The following SLC38A7 variants were observed in gnomAD, a reference collection of about 807,000 sequenced individuals.
SLC38A7 encodes solute carrier family 38 member 7.
Under a neutral mutation model 50.1 loss-of-function variants are expected in SLC38A7, and 29 were observed. The ratio of observed to expected loss-of-function variants is 0.58; its 90% CI spans 0.43 to 0.79. The LOEUF is 0.79. SLC38A7 is among the 30% of genes least tolerant of loss of function. SLC38A7 has a pLI of 0.00. For synonymous variants in SLC38A7, 244 were observed against 245.9 expected (o/e 0.99, Z 0.07); for missense variants, 483 against 610.6 (o/e 0.79, Z 2.20).
chr16:58,674,290 T>G (rs2152077491), intron 8 of SLC38A7, among the ~76,000 whole-genome samples: 1 of 152,232 alleles, frequency 6.6e-6, no homozygotes, highest in South Asian at 2.1e-4. Flanking sequence ...TTTCTCTCTT[T>G]TTTAGAGACA....
intron 11 of SLC38A7, among the ~76,000 whole-genome samples, chr16:58,668,713 C>CAAAAAAAAAAAAAAAAAAAAAAA (rs71155292): frequency 1.5e-4 from 5 of 33,826 alleles, no homozygotes; most frequent in Middle Eastern, 0.017. Context: ...AACTCCATCT[C>CAAAAAAAAAAAAAAAAAAAAAAA]AAAAAAAAAA....
At chr16:58,675,249 G>A (rs183162966) in intron 8 of SLC38A7, 48 of 379,268 alleles carry the variant, frequency 1.3e-4, no homozygotes, top group Non-Finnish European at 1.2e-4. Context: ...GCTCATGCCT[G>A]TAACCCCAGC....
chr16:58,682,592 TG>T (rs896384013), intron 2 of SLC38A7, among the ~76,000 whole-genome samples: 1 of 151,948 alleles, frequency 6.6e-6, no homozygotes, highest in Non-Finnish European at 1.5e-5. Flanking sequence ...CCCGAGTACC[TG>T]GGACTACAGG....
chr16:58,680,192 C>G lies in SLC38A7; in HGVS notation c.-66G>C. 1.4e-6 allele frequency: 2 copies of G among 1,474,486 alleles called. No individual in the cohort carries two copies. The highest frequency in any genetic ancestry group is 4.7e-5 in the East Asian group (2 of 42,358). The allele number at this position is 1,474,486 out of a possible 1,614,324, so 91.3% of individuals were successfully genotyped here. A position where few individuals can be genotyped will look rare whatever the true frequency, so the allele number is the denominator to read the frequency against. On this transcript the variant is annotated 5_prime_UTR_variant, in exon 3 of 12. Transcript: ENST00000219320. ...CCTTACAACCACATGCCTCAGGGAG[C>G]TGAGCAACACCCACCTGTTTGGGGC... is the stretch of plus-strand genomic sequence containing the variant.
At chr16:58,676,176 C>T (rs531611256) in intron 7 of SLC38A7, 113 bp downstream of exon 7, 1 of 1,561,454 alleles carries the variant, frequency 6.4e-7, no homozygotes, top group African/African-American at 1.4e-5. Flanking sequence ...CCTGTTCCAT[C>T]CTTCCCCCCA....
At chr16:58,669,929 C>G (rs555461113) in intron 11 of SLC38A7, among the ~76,000 whole-genome samples, 184 bp downstream of exon 11, 1 of 151,164 alleles carries the variant, frequency 6.6e-6, no homozygotes, top group East Asian at 1.9e-4. Flanking sequence ...GAGCTGAGAT[C>G]GTGCCACTGC....
intron 11 of SLC38A7, among the ~76,000 whole-genome samples, chr16:58,669,251 G>A (rs892272797): frequency 6.6e-6 from 1 of 151,142 alleles, no homozygotes; most frequent in Non-Finnish European, 1.5e-5. Flanking sequence ...AAGTAGCTGG[G>A]ATTACAGGCA....
rs2044017579 is a variant in SLC38A7 at position 58,665,458 on chromosome 16, AG to A, written c.*1926del. On this transcript the variant is annotated 3_prime_UTR_variant, in exon 12 of 12. Coordinates refer to ENST00000219320, the MANE Select transcript of SLC38A7 (RefSeq NM_018231.3). ...TCTGGCCCCGGGGGCAGAGAAGATC[AG>A]GCACCAAGAGGGGATGTGAGAAAAG... 6.6e-6 allele frequency: 1 copy of A among 150,960 alleles called. No individual in the cohort carries two copies. The highest frequency in any genetic ancestry group is 2.5e-5 in the African/African-American group (1 of 40,022). The allele number at this position is 150,960 out of a possible 1,614,324, so 9.4% of individuals were successfully genotyped here.
intron 6 of SLC38A7, 144 bp from the exon 7 acceptor site, chr16:58,676,490 G>A: frequency 1.2e-6 from 1 of 837,208 alleles, no homozygotes; most frequent in Non-Finnish European, 1.9e-6. Context: ...TGGGAACAGG[G>A]AGAAGAGGCA....
intron 10 of SLC38A7, 51 bp downstream of exon 10, chr16:58,670,994 C>A (rs774733184): frequency 1.3e-6 from 2 of 1,548,586 alleles, no homozygotes; most frequent in South Asian, 2.4e-5. Context: ...CTAGGCAGGC[C>A]CTGGGAGTCT....
chr16:58,679,833 T>A, intron 3 of SLC38A7, 24 bp downstream of exon 3: 2 of 1,612,452 alleles, frequency 1.2e-6, no homozygotes, highest in Non-Finnish European at 1.7e-6. Flanking sequence ...ACTGCACCTC[T>A]GCCCTCCCGG....
In SLC38A7 at chr16:58,680,245, G is replaced by A. The variant is rs928019896; in HGVS notation, c.-115-4C>T. The A allele has an allele frequency of 1.9e-5, 22 of 1,183,484 alleles. No homozygotes were observed. In the Middle Eastern group the frequency reaches 9.8e-4, roughly 53 times the overall value. The allele number at this position is 1,183,484 out of a possible 1,614,324, so 73.3% of individuals were successfully genotyped here. On this transcript the variant is annotated splice_region_variant and splice_polypyrimidine_tract_variant and intron_variant, in intron 2 of 11. Transcript: ENST00000219320. ...TTAGCTTAGGACTCTTCTCAACCTA[G>A]ATGGGACAAAGGCAGGCACTACTGT... is the stretch of plus-strand genomic sequence containing the variant.
intron 3 of SLC38A7, 192 bp downstream of exon 3, chr16:58,679,665 G>T: frequency 1.6e-6 from 1 of 640,290 alleles, no homozygotes; most frequent in Non-Finnish European, 2.6e-6. Flanking sequence ...TTCTCTGATT[G>T]TTGGAAGGCT....
chr16:58,678,049 G>C lies in SLC38A7; in HGVS notation c.611+284C>G, dbSNP rs1391260138. On this transcript the variant is annotated intron_variant, in intron 5 of 11. Coordinates refer to ENST00000219320, the MANE Select transcript of SLC38A7 (RefSeq NM_018231.3). This position sits in a 1 kb window ranked among gnomAD's most constrained non-coding sequence, Gnocchi z 4.0. ...GCCAGGAGGCTGCCTTCACCGCCCA[G>C]ATACCACCTGTTCCTTCTTTGACAA... Among the ~76,000 whole-genome samples the C allele has an allele frequency of 6.6e-6, 1 of 152,146 alleles. No individual in the cohort carries two copies. Among genetic ancestry groups the C allele is most frequent in the Non-Finnish European group, 1.5e-5 (1 of 68,026 alleles).
At chr16:58,670,092 A>C in intron 11 of SLC38A7, 21 bp downstream of exon 11, 1 of 1,613,484 alleles carries the variant, frequency 6.2e-7, no homozygotes. Flanking sequence ...TGAGAGGATC[A>C]AGGGCTGGGT....
chr16:58,679,764 A>G (rs1326656601), intron 3 of SLC38A7, 93 bp downstream of exon 3: 1 of 1,529,292 alleles, frequency 6.5e-7, no homozygotes, highest in Non-Finnish European at 8.9e-7. Context: ...CAGTGCGTGT[A>G]TCACTTACTG....
chr16:58,678,498 T>G lies in SLC38A7; in HGVS notation c.470-24A>C, dbSNP rs2044317964. On this transcript the variant is annotated intron_variant, in intron 4 of 11. Coordinates refer to ENST00000219320, the MANE Select transcript of SLC38A7 (RefSeq NM_018231.3). The surrounding 1 kb of genome is among the most constrained non-coding windows in gnomAD (Gnocchi z 4.0). Reference sequence around the variant, plus strand: ...AACTGCACAGGGAGGAAGGAGGGAATGTCAAGCCAGGCCACCATGGGGTGT... The same window carrying G: ...AACTGCACAGGGAGGAAGGAGGGAAGGTCAAGCCAGGCCACCATGGGGTGT... 1 of 1,544,210 alleles carries G rather than the reference T, an allele frequency of 6.5e-7. No individual in the cohort carries two copies. The highest frequency in any genetic ancestry group is 8.8e-7 in the Non-Finnish European group (1 of 1,142,662).
intron 7 of SLC38A7, 103 bp from the exon 8 acceptor site, chr16:58,676,157 C>T (rs2044261651): frequency 3.3e-6 from 5 of 1,532,364 alleles, no homozygotes; most frequent in African/African-American, 1.4e-5. Context: ...AGGGGCAAGT[C>T]CTGAGGCCCC....
At chr16:58,675,871 C>T in intron 8 of SLC38A7, 69 bp downstream of exon 8, 1 of 1,280,202 alleles carries the variant, frequency 7.8e-7, no homozygotes, top group Non-Finnish European at 1.1e-6. Context: ...AGCTAGGCCC[C>T]AGGACCTAGG....
Sources: gnomAD v4.1 joint callset for allele counts (sites outside exome capture counted in the v4.1 genomes callset) on GRCh38, gnomAD v4.1.1 for gene constraint, Gnocchi (gnomAD v3.1) non-coding constraint, MANE v1.5 for transcripts, NCBI Gene and HGNC (gene_info 2026-07-23, HGNC 2026-07-21) for gene names.